The following DCP1A variants were observed in gnomAD, a reference collection of about 807,000 sequenced individuals.
The protein encoded by DCP1A is decapping mRNA 1A.
Under a neutral mutation model 58.0 loss-of-function variants are expected in DCP1A, and 20 were observed. The observed-to-expected ratio is 0.34, with a 90% CI of 0.24 to 0.50. The LOEUF is 0.50. Among genes scored for constraint, DCP1A ranks in the 20% least tolerant of loss-of-function variants. The pLI, the probability that DCP1A is intolerant of heterozygous loss-of-function variation, is 0.98. For missense variants in DCP1A, 613 were observed against 712.2 expected (o/e 0.86, Z 1.59); for synonymous variants, 285 against 275.1 (o/e 1.04, Z -0.36).
Position 53,284,625 on chromosome 3 carries a change from C to T in DCP1A, c.*2955G>A, listed in dbSNP as rs987769144. On this transcript the variant is annotated 3_prime_UTR_variant, in exon 10 of 10. Coordinates refer to ENST00000610213, the MANE Select transcript of DCP1A (RefSeq NM_018403.7). The stretch of plus-strand genomic sequence containing the variant: ...GATCTTGGCTCACTGCAACCTCTGC[C>T]TCCCGGGTTCAAGTGATTCTCCTGC... The T allele has an allele frequency of 6.7e-6, 1 of 149,590 alleles. No individual in the cohort carries two copies. Among genetic ancestry groups the T allele is most frequent in the Non-Finnish European group, 1.5e-5 (1 of 67,768 alleles). 9.3% of individuals were successfully genotyped at this position (149,590 alleles called of 1,614,324 possible).
chr3:53,314,667 CT>C (rs1167830951), intron 4 of DCP1A, among the ~76,000 whole-genome samples: 19,363 of 86,756 alleles, frequency 0.22, 795 homozygotes, highest in East Asian at 0.39. Flanking sequence ...TTTTCTTTTT[CT>C]TTTTTTTTTT....
intron 3 of DCP1A, among the ~76,000 whole-genome samples, chr3:53,332,151 G>T (rs915393837): frequency 6.6e-6 from 1 of 152,184 alleles, no homozygotes; most frequent in African/African-American, 2.4e-5. Flanking sequence ...GATTAGACCA[G>T]AAGTGTATGA....
chr3:53,341,472 ATAG>A (rs2089201917), intron 3 of DCP1A, among the ~76,000 whole-genome samples: 1 of 152,050 alleles, frequency 6.6e-6, no homozygotes, highest in African/African-American at 2.4e-5. Context: ...GAAAATAATA[ATAG>A]TAATAATAAT....
rs1553686165 is a variant in DCP1A at position 53,292,323 on chromosome 3, C to T, written c.1129G>A (p.Ala377Thr). 1 of 1,612,968 alleles carries T rather than the reference C, an allele frequency of 6.2e-7. No homozygotes were observed. The highest frequency in any genetic ancestry group is 2.2e-5 in the East Asian group (1 of 44,846). The part of the protein sequence containing the change: ...SLIANQSPFR[A>T]PLNVTNTAGT... ...GCTGTGTTCGTCACGTTCAATGGGG[C>T]CCTGAAGGGGCTCTGGTTGGCAATC... is the stretch of plus-strand genomic sequence containing the variant. The change falls in exon 7 of 10, where the codon GCC (alanine) becomes ACC (threonine). Residue 377 changes from alanine to threonine, a missense_variant. Physicochemically the swap from Ala to Thr is moderately conservative, Grantham distance 58 (BLOSUM62 0). This residue lies in a region of DCP1A where 498 missense variants were observed against 556.7 expected (regional missense o/e 0.89). Coordinates refer to ENST00000610213, the MANE Select transcript of DCP1A (RefSeq NM_018403.7).
Position 53,342,252 on chromosome 3 carries a change from C to A in DCP1A, c.196G>T (p.Gly66Cys). The A allele has an allele frequency of 1.2e-6, 2 of 1,601,094 alleles. No homozygotes were observed. Among genetic ancestry groups the A allele is most frequent in the Non-Finnish European group, 8.5e-7 (1 of 1,171,986 alleles). ...VYRRSASPYH[G>C]FTIVNRLNMH... ...TTTAGTCGATTCACAATGGTAAAAC[C>A]ATGGTAAGGGGAAGCTGACCTTAGA... Residue 66 changes from glycine (G) to cysteine (C), a missense_variant, in exon 3 of 10, where the codon GGT becomes TGT. Gly to Cys is a radical substitution (Grantham distance 159). This residue lies in a region of DCP1A where 65 missense variants were observed against 118.5 expected (regional missense o/e 0.55). Transcript: ENST00000610213.
At chr3:53,331,275 T>C (rs147252575) in intron 3 of DCP1A, among the ~76,000 whole-genome samples, 2 of 152,358 alleles carry the variant, frequency 1.3e-5, no homozygotes, top group East Asian at 3.9e-4. Context: ...AACCAGGTTA[T>C]ACTGTAGACT....
intron 6 of DCP1A, among the ~76,000 whole-genome samples, chr3:53,297,357 C>CTTT (rs1174431632): frequency 1.1e-3 from 148 of 138,386 alleles, no homozygotes; most frequent in African/African-American, 3.6e-3. Context: ...AACACTAATT[C>CTTT]TTTTTTTTTT....
At chr3:53,340,409 A>G (rs965038962) in intron 3 of DCP1A, among the ~76,000 whole-genome samples, 1 of 152,214 alleles carries the variant, frequency 6.6e-6, no homozygotes, top group African/African-American at 2.4e-5. Flanking sequence ...GAGAAGTCAA[A>G]AGATAGAACC....
At chr3:53,332,514 C>T (rs1553691429) in intron 3 of DCP1A, among the ~76,000 whole-genome samples, 1 of 152,050 alleles carries the variant, frequency 6.6e-6, no homozygotes, top group East Asian at 1.9e-4. Flanking sequence ...TCCCCTTGTT[C>T]TTTTTATGGT....
At chr3:53,300,926 G>A (rs1707295427) in intron 6 of DCP1A, among the ~76,000 whole-genome samples, 3 of 152,152 alleles carry the variant, frequency 2.0e-5, no homozygotes, top group Admixed American at 6.5e-5. Context: ...GAGATTACAG[G>A]TGTGAGTCAC....
Position 53,322,677 on chromosome 3 carries a change from ACTG to A in DCP1A, c.305-3207_305-3205del, listed in dbSNP as rs10596870. On this transcript the variant is annotated intron_variant, in intron 3 of 9. Coordinates refer to ENST00000610213, the MANE Select transcript of DCP1A (RefSeq NM_018403.7). ...GGGAAAAACCTCTAATTACACTAAA[ACTG>A]CTCTAAATCTATGGAGCCCGTGTAT... is the stretch of plus-strand genomic sequence containing the variant. 1.0e-2 allele frequency among the ~76,000 whole-genome samples: 1,515 copies of A among 152,004 alleles called. 21 individuals are homozygous for A. The highest frequency in any genetic ancestry group is 0.034 in the African/African-American group (1,400 of 41,458).
At chr3:53,294,049 C>G (rs1268390705) in intron 6 of DCP1A, among the ~76,000 whole-genome samples, 2 of 152,086 alleles carry the variant, frequency 1.3e-5, no homozygotes, top group Non-Finnish European at 2.9e-5. Context: ...CCACTGAGAG[C>G]CACACGTGCT....
chr3:53,292,465 T>G lies in DCP1A; in HGVS notation c.987A>C (p.Ala329=). ...SPTLPAEAPT[A]QVPPSLPRNS... is the part of the protein sequence containing the mutation. The stretch of plus-strand genomic sequence containing the variant: ...TTCGAGGTAAGCTGGGGGGAACCTG[T>G]GCAGTAGGAGCTTCAGCTGGCAGAG... The change falls in exon 7 of 10, where the codon GCA becomes GCC. Residue 329 remains alanine, a synonymous_variant. Transcript: ENST00000610213. The G allele has an allele frequency of 1.2e-6, 2 of 1,613,990 alleles. No individual in the cohort carries two copies. The highest frequency in any genetic ancestry group is 1.7e-6 in the Non-Finnish European group (2 of 1,179,894).
Position 53,287,749 on chromosome 3 carries a change from G to A in DCP1A, c.1669-89C>T, listed in dbSNP as rs1706695725. On this transcript the variant is annotated intron_variant, in intron 9 of 9. Transcript: ENST00000610213. ...TTGGTAACAGCTTAGGAAAAAAATT[G>A]TATAAATGATTTGTATAACTGATAA... 5.4e-6 allele frequency: 5 copies of A among 920,766 alleles called. No individual in the cohort carries two copies. In the South Asian group the frequency reaches 7.0e-5, roughly 13 times the overall value. 57.0% of individuals were successfully genotyped at this position (920,766 alleles called of 1,614,324 possible). A position where few individuals can be genotyped will look rare whatever the true frequency, so the allele number is the denominator to read the frequency against.
intron 4 of DCP1A, 116 bp from the exon 5 acceptor site, chr3:53,312,495 CTT>C (rs879948145): frequency 0.042 from 21,428 of 514,262 alleles, no homozygotes; most frequent in South Asian, 0.071. Context: ...TGACATTCTT[CTT>C]TTTTTTTTTT....
At chr3:53,329,926 A>T (rs2088955695) in intron 3 of DCP1A, among the ~76,000 whole-genome samples, 1 of 152,238 alleles carries the variant, frequency 6.6e-6, no homozygotes, top group Admixed American at 6.5e-5. Context: ...TTTTTGGTTA[A>T]AACTACCATT....
At chr3:53,315,757 G>GTTTTTTTTTTTTTTT (rs1359300693) in intron 4 of DCP1A, among the ~76,000 whole-genome samples, 1 of 109,848 alleles carries the variant, frequency 9.1e-6, no homozygotes, top group Non-Finnish European at 1.7e-5. Flanking sequence ...TTTTTTTTTT[G>GTTTTTTTTTTTTTTT]TTTTTTTTTT....
At chr3:53,335,673 A>C (rs976321494) in intron 3 of DCP1A, among the ~76,000 whole-genome samples, 11 of 152,162 alleles carry the variant, frequency 7.2e-5, no homozygotes, top group Non-Finnish European at 1.6e-4. Flanking sequence ...ATTTCCTCAG[A>C]TATATCTTCT....
chr3:53,304,736 C>G (rs541893465), intron 5 of DCP1A, among the ~76,000 whole-genome samples: 4 of 148,122 alleles, frequency 2.7e-5, no homozygotes, highest in South Asian at 2.1e-4. Flanking sequence ...CCATGTCCAG[C>G]TGGTTTTTCT....
Sources: gnomAD v4.1 joint callset for allele counts (sites outside exome capture counted in the v4.1 genomes callset) on GRCh38, gnomAD v4.1.1 for gene constraint, gnomAD v4.1.1 regional missense constraint, MANE v1.5 for transcripts, NCBI Gene and HGNC (gene_info 2026-07-23, HGNC 2026-07-21) for gene names.